The following LRRC37A2 variants were observed in gnomAD, a reference collection of about 807,000 sequenced individuals.
LRRC37A2 encodes leucine rich repeat containing 37 member A2.
A neutral mutation model predicts 68.8 loss-of-function variants in LRRC37A2; 9 were observed. That is an observed-to-expected ratio of 0.13 (90% CI 0.08 to 0.23). The LOEUF (loss-of-function observed/expected upper bound fraction) is 0.23. Ranked by LOEUF, LRRC37A2 falls within the 10% of genes least tolerant of loss-of-function variation. The pLI, the probability that LRRC37A2 is intolerant of heterozygous loss-of-function variation, is 1.00. For synonymous variants in LRRC37A2, 63 were observed against 367.6 expected (o/e 0.17, Z 9.48); for missense variants, 168 against 950.4 (o/e 0.18, Z 10.82).
the LRRC37A2 span, among the ~76,000 whole-genome samples, chr17:46,572,934 TGGGAG>T: frequency 1.3e-4 from 12 of 90,202 alleles, no homozygotes; most frequent in African/African-American, 3.2e-4. Context: ...GAGACAGAGA[TGGGAG>T]GGGAGGGGAG....
the LRRC37A2 span, among the ~76,000 whole-genome samples, chr17:46,945,230 C>G: frequency 6.6e-6 from 1 of 152,170 alleles, no homozygotes; most frequent in African/African-American, 2.4e-5. Flanking sequence ...GATGTGCTGT[C>G]TTCTGCACGA....
At chr17:47,001,138 C>T in the LRRC37A2 span, among the ~76,000 whole-genome samples, 1 of 151,992 alleles carries the variant, frequency 6.6e-6, no homozygotes, top group African/African-American at 2.4e-5. Context: ...TCCCGGTGTT[C>T]GGGGACCAAC....
chr17:46,851,038 G>A, the LRRC37A2 span, among the ~76,000 whole-genome samples: 1 of 152,212 alleles, frequency 6.6e-6, no homozygotes, highest in Non-Finnish European at 1.5e-5. This position sits in a 1 kb window ranked among gnomAD's most constrained non-coding sequence, Gnocchi z 4.3. Context: ...GGTCCCCTGA[G>A]CCATTGGACA....
chr17:46,870,260 G>T, the LRRC37A2 span, among the ~76,000 whole-genome samples: 2 of 152,138 alleles, frequency 1.3e-5, no homozygotes, highest in Admixed American at 1.3e-4. Context: ...TGAGAAGGAG[G>T]ACATTTGAGG....
At chr17:46,492,839 G>T in the LRRC37A2 span, among the ~76,000 whole-genome samples, 1 of 150,166 alleles carries the variant, frequency 6.7e-6, no homozygotes, top group Non-Finnish European at 1.5e-5. Context: ...GACTACAGGC[G>T]TCTACCACCA....
chr17:46,755,684 G>T, the LRRC37A2 span: 2 of 1,135,506 alleles, frequency 1.8e-6, no homozygotes, highest in Admixed American at 2.6e-5. Flanking sequence ...CAAATGCATA[G>T]TGGGAAATGT....
chr17:46,848,932 G>GCGCACACACACA, the LRRC37A2 span, among the ~76,000 whole-genome samples: 1 of 146,180 alleles, frequency 6.8e-6, no homozygotes, highest in East Asian at 1.9e-4. Flanking sequence ...GTGTGCACGT[G>GCGCACACACACA]CACACACACA....
chr17:46,953,221 C>T, the LRRC37A2 span, among the ~76,000 whole-genome samples: 778 of 151,936 alleles, frequency 5.1e-3, 9 homozygotes, highest in African/African-American at 0.018. Flanking sequence ...CAACAGTCTC[C>T]GGTGTGTGAT....
the LRRC37A2 span, chr17:46,818,377 G>A: frequency 1.3e-6 from 1 of 784,756 alleles, no homozygotes; most frequent in South Asian, 1.6e-5. Context: ...GAAAATCCAG[G>A]AGGGGTGGGC....
the LRRC37A2 span, chr17:46,952,609 C>G: frequency 6.6e-6 from 1 of 152,172 alleles, no homozygotes; most frequent in Non-Finnish European, 1.5e-5. Flanking sequence ...CTTTAGTCCA[C>G]TCTTAACTGA....
chr17:46,817,164 C>T, the LRRC37A2 span, among the ~76,000 whole-genome samples: 1 of 152,214 alleles, frequency 6.6e-6, no homozygotes, highest in African/African-American at 2.4e-5. Flanking sequence ...ACAAATGCTG[C>T]CATCCCCAAA....
At chr17:46,708,735 C>T in the LRRC37A2 span, among the ~76,000 whole-genome samples, 1 of 148,540 alleles carries the variant, frequency 6.7e-6, no homozygotes, top group Non-Finnish European at 1.5e-5. Flanking sequence ...CTCAAGCGAT[C>T]CACCTACCTC....
At chr17:46,771,745 G>T in the LRRC37A2 span, among the ~76,000 whole-genome samples, 1 of 105,870 alleles carries the variant, frequency 9.4e-6, no homozygotes, top group African/African-American at 3.4e-5. Flanking sequence ...CCCCATTGAA[G>T]CGGCGCCCCC....
chr17:46,743,161 G>A, the LRRC37A2 span, among the ~76,000 whole-genome samples: 1 of 152,098 alleles, frequency 6.6e-6, no homozygotes, highest in South Asian at 2.1e-4. Flanking sequence ...AGCTGAAGAT[G>A]GGAGCTCTCA....
chr17:46,778,939 T>A, the LRRC37A2 span, among the ~76,000 whole-genome samples: 1 of 152,056 alleles, frequency 6.6e-6, no homozygotes, highest in Non-Finnish European at 1.5e-5. Context: ...AACCTTCTTA[T>A]CCCAAAGTGC....
At chr17:46,869,223 C>T in the LRRC37A2 span, among the ~76,000 whole-genome samples, 1,375 of 152,238 alleles carry the variant, frequency 9.0e-3, 21 homozygotes, top group African/African-American at 0.031. Flanking sequence ...TAAAATTAAC[C>T]GACTTGATAC....
chr17:46,939,097 G>A, the LRRC37A2 span: 2 of 1,210,896 alleles, frequency 1.7e-6, no homozygotes, highest in Non-Finnish European at 2.1e-6. Flanking sequence ...TCCACAGTGA[G>A]CCCTGTGTGC....
the LRRC37A2 span, among the ~76,000 whole-genome samples, chr17:46,767,245 G>A: frequency 6.6e-6 from 1 of 151,936 alleles, no homozygotes; most frequent in Non-Finnish European, 1.5e-5. Context: ...AAATCCACCC[G>A]CCTTTGATCC....
At chr17:46,875,770 GT>G in the LRRC37A2 span, among the ~76,000 whole-genome samples, 5 of 152,218 alleles carry the variant, frequency 3.3e-5, no homozygotes, top group Non-Finnish European at 7.3e-5. Context: ...CATTTTATGG[GT>G]GGGAAGATGG....
Sources: allele counts gnomAD v4.1 joint callset (sites outside exome capture counted in the v4.1 genomes callset), GRCh38; gene constraint gnomAD v4.1.1; non-coding constraint Gnocchi (gnomAD v3.1); transcripts MANE v1.5; gene names NCBI Gene and HGNC (gene_info 2026-07-23, HGNC 2026-07-21).